MYO3B: variants seen among roughly 807,000 people sequenced by gnomAD.
MYO3B encodes the protein myosin IIIB.
Under a neutral mutation model 174.6 loss-of-function variants are expected in MYO3B, and 156 were observed. The ratio of observed to expected loss-of-function variants is 0.89; its 90% CI spans 0.78 to 1.02. The LOEUF (loss-of-function observed/expected upper bound fraction) is 1.02, where lower values mean the gene tolerates loss of function less well. MYO3B is among the 50% of genes least tolerant of loss of function. The pLI is 0.00. For synonymous variants in MYO3B, 563 were observed against 569.1 expected (o/e 0.99, Z 0.15); for missense variants, 1,632 against 1,639.4 (o/e 1.00, Z 0.08).
At chr2:170,271,409 T>G (rs971984862) in intron 7 of MYO3B, among the ~76,000 whole-genome samples, 1 of 152,212 alleles carries the variant, frequency 6.6e-6, no homozygotes, top group Non-Finnish European at 1.5e-5. Context: ...GAGAGAATGG[T>G]GAACCATGAA....
chr2:170,290,401 G>T (rs2093588045), intron 7 of MYO3B, among the ~76,000 whole-genome samples: 1 of 152,012 alleles, frequency 6.6e-6, no homozygotes, highest in Non-Finnish European at 1.5e-5. Flanking sequence ...ATATTCTCTT[G>T]CTGAATTGAC....
At chr2:170,360,637 A>G (rs1341854685) in intron 8 of MYO3B, among the ~76,000 whole-genome samples, 3 of 152,208 alleles carry the variant, frequency 2.0e-5, no homozygotes, top group Admixed American at 1.3e-4. Context: ...GTCTCCTCCA[A>G]AATTCAGGTG....
intron 7 of MYO3B, among the ~76,000 whole-genome samples, chr2:170,324,183 C>T (rs1018184819): frequency 1.6e-4 from 25 of 152,154 alleles, no homozygotes; most frequent in African/African-American, 5.6e-4. Context: ...ATCATAGGAA[C>T]GGAAACCCAT....
At chr2:170,595,120 C>A (rs185463108) in intron 32 of MYO3B, among the ~76,000 whole-genome samples, 1 of 152,156 alleles carries the variant, frequency 6.6e-6, no homozygotes, top group Non-Finnish European at 1.5e-5. Context: ...CTTACCCCCC[C>A]ACAAACCTAA....
chr2:170,336,200 A>G (rs2093946365), intron 8 of MYO3B, among the ~76,000 whole-genome samples: 1 of 151,840 alleles, frequency 6.6e-6, no homozygotes. Context: ...ACAGGAATCT[A>G]GACCAGGCAT....
chr2:170,603,092 A>G (rs1317612711), intron 32 of MYO3B, among the ~76,000 whole-genome samples: 1 of 143,146 alleles, frequency 7.0e-6, no homozygotes. Context: ...ACAAAAAACA[A>G]AAAAAAACTT....
rs116307442 is a variant in MYO3B at position 170,392,905 on chromosome 2, C to T, written c.1791+410C>T. ...GCGTTCTTCCAACCATTAAAGTGAA[C>T]GGGGGGTAGGAGTACAGGAATATGT... On this transcript the variant is annotated intron_variant, in intron 16 of 34. Coordinates refer to ENST00000408978, the MANE Select transcript of MYO3B (RefSeq NM_138995.5). 2.3e-3 allele frequency among the ~76,000 whole-genome samples: 341 copies of T among 148,210 alleles called. 2 individuals are homozygous for T. Among genetic ancestry groups the T allele is most frequent in the African/African-American group, 8.1e-3 (328 of 40,296 alleles).
At chr2:170,512,272 A>G (rs982801644) in intron 28 of MYO3B, among the ~76,000 whole-genome samples, 4 of 152,172 alleles carry the variant, frequency 2.6e-5, no homozygotes, top group African/African-American at 9.7e-5. Flanking sequence ...TAAGAATCCA[A>G]CTTTCTTGGT....
intron 9 of MYO3B, among the ~76,000 whole-genome samples, chr2:170,373,923 A>G (rs894247227): frequency 1.3e-5 from 2 of 152,188 alleles, no homozygotes; most frequent in African/African-American, 4.8e-5. Context: ...ACTATGAGGA[A>G]TATGATAAAG....
chr2:170,451,577 T>C (rs60335560), intron 23 of MYO3B, among the ~76,000 whole-genome samples: 48,799 of 152,212 alleles, frequency 0.32, 8,077 homozygotes, highest in Admixed American at 0.42. Context: ...ATTACTAAAG[T>C]CACATGAACA....
chr2:170,274,091 A>G (rs1419080733), intron 7 of MYO3B, among the ~76,000 whole-genome samples: 2 of 140,136 alleles, frequency 1.4e-5, no homozygotes, highest in Non-Finnish European at 3.0e-5. Flanking sequence ...GCAAACTACG[A>G]GAGAGAGAGA....
intron 7 of MYO3B, among the ~76,000 whole-genome samples, chr2:170,287,021 C>A (rs2093561622): frequency 6.6e-6 from 1 of 152,058 alleles, no homozygotes; most frequent in Non-Finnish European, 1.5e-5. Flanking sequence ...AACACAATGG[C>A]CTCCAGTTCT....
At chr2:170,598,150 T>C (rs1694265483) in intron 32 of MYO3B, among the ~76,000 whole-genome samples, 1 of 152,222 alleles carries the variant, frequency 6.6e-6, no homozygotes, top group Non-Finnish European at 1.5e-5. Flanking sequence ...TGGTTTCACA[T>C]TCAACTGCAG....
At chr2:170,445,563 A>C (rs552879190) in intron 23 of MYO3B, among the ~76,000 whole-genome samples, 1 of 151,468 alleles carries the variant, frequency 6.6e-6, no homozygotes, top group African/African-American at 2.4e-5. Context: ...CTGGTCTCCA[A>C]CTCCCGACCT....
At chr2:170,194,069 G>C (rs2092571495) in intron 1 of MYO3B, among the ~76,000 whole-genome samples, 1 of 151,774 alleles carries the variant, frequency 6.6e-6, no homozygotes, top group Non-Finnish European at 1.5e-5. Flanking sequence ...TTATCTCTTG[G>C]TTAGCTGGAT....
At chr2:170,451,073 C>T (rs1683569224) in intron 23 of MYO3B, among the ~76,000 whole-genome samples, 2 of 152,186 alleles carry the variant, frequency 1.3e-5, no homozygotes, top group African/African-American at 4.8e-5. Context: ...GACAAAATTA[C>T]ATTCCCTTTA....
intron 24 of MYO3B, among the ~76,000 whole-genome samples, chr2:170,466,248 CTAGA>C (rs10589949): frequency 0.3 from 44,786 of 151,766 alleles, 6,729 homozygotes; most frequent in South Asian, 0.36. Flanking sequence ...ACAGGATAAC[CTAGA>C]TAGAGCATGT....
chr2:170,414,782 G>T (rs2094567881), intron 22 of MYO3B, among the ~76,000 whole-genome samples: 1 of 152,162 alleles, frequency 6.6e-6, no homozygotes, highest in African/African-American at 2.4e-5. Flanking sequence ...TCAGCATGCA[G>T]ATCCTGTACA....
intron 7 of MYO3B, among the ~76,000 whole-genome samples, chr2:170,239,657 A>G (rs1053603316): frequency 2.0e-5 from 3 of 152,236 alleles, no homozygotes; most frequent in Non-Finnish European, 4.4e-5. Context: ...GAAGCTGGTG[A>G]TTATCCCTTC....
Sources: gnomAD v4.1 joint callset for allele counts (sites outside exome capture counted in the v4.1 genomes callset) on GRCh38, gnomAD v4.1.1 for gene constraint, MANE v1.5 for transcripts, NCBI Gene and HGNC (gene_info 2026-07-23, HGNC 2026-07-21) for gene names.